RSPO3: variants seen among roughly 807,000 people sequenced by gnomAD.
RSPO3 encodes the protein R-spondin-3.
In RSPO3, 17 loss-of-function variants were observed where a neutral mutation model predicts 36.5. That is an observed-to-expected ratio of 0.47 (90% CI 0.32 to 0.70). RSPO3 has a LOEUF of 0.70. RSPO3 is among the 30% of genes least tolerant of loss of function. The pLI, the probability that RSPO3 is intolerant of heterozygous loss-of-function variation, is 0.04. For synonymous variants in RSPO3, 108 were observed against 107.0 expected (o/e 1.01, Z -0.06); for missense variants, 294 against 322.5 (o/e 0.91, Z 0.68).
In RSPO3 at chr6:127,118,995, A is replaced by G. The variant is rs902276898; in HGVS notation, c.-198A>G. The G allele has an allele frequency of 7.0e-6, 3 of 428,888 alleles. No individual in the cohort carries two copies. Among genetic ancestry groups the G allele is most frequent in the African/African-American group, 4.1e-5 (2 of 49,014 alleles). 26.6% of individuals were successfully genotyped at this position (428,888 alleles called of 1,614,324 possible). ...CAGTTCAGTGCTTGGATAATTTGAA[A>G]GTACAATAGTTGGTTTCCCTGTCCA... On this transcript the variant is annotated 5_prime_UTR_variant, in exon 1 of 5. Coordinates refer to ENST00000356698, the MANE Select transcript of RSPO3 (RefSeq NM_032784.5).
intron 1 of RSPO3, among the ~76,000 whole-genome samples, chr6:127,147,023 C>G (rs1326096208): frequency 6.6e-6 from 1 of 152,110 alleles, no homozygotes; most frequent in African/African-American, 2.4e-5. Context: ...ACCTCCTGTG[C>G]CACTTTATGT....
In RSPO3 at chr6:127,198,267, G is replaced by A. The variant is rs1472592794; in HGVS notation, c.*2260G>A. Among the ~76,000 whole-genome samples the A allele has an allele frequency of 1.3e-5, 2 of 151,956 alleles. No homozygotes were observed. Among genetic ancestry groups the A allele is most frequent in the East Asian group, 1.9e-4 (1 of 5,190 alleles). ...TATATAAAAGTAGAATTATTACAAA[G>A]GAAAAAGAAATAAAAACTAACATTC... On this transcript the variant is annotated 3_prime_UTR_variant, in exon 5 of 5. Coordinates refer to ENST00000356698, the MANE Select transcript of RSPO3 (RefSeq NM_032784.5).
chr6:127,162,375 C>A (rs1368154944), intron 4 of RSPO3, among the ~76,000 whole-genome samples: 7 of 152,130 alleles, frequency 4.6e-5, no homozygotes, highest in Admixed American at 4.6e-4. Flanking sequence ...AGTGTGATTC[C>A]TCATTCACTT....
chr6:127,186,613 T>A (rs948376439), intron 4 of RSPO3, among the ~76,000 whole-genome samples: 2 of 152,036 alleles, frequency 1.3e-5, no homozygotes, highest in African/African-American at 2.4e-5. Context: ...TGGGAAAAAA[T>A]TATTTTGAAA....
intron 1 of RSPO3, among the ~76,000 whole-genome samples, chr6:127,127,088 C>A (rs1322375596): frequency 6.6e-6 from 1 of 152,158 alleles, no homozygotes; most frequent in East Asian, 1.9e-4. Context: ...TACCCCAATA[C>A]AAAGCACATT....
rs550607981 is a variant in RSPO3 at position 127,197,842 on chromosome 6, A to G, written c.*1835A>G. 4.8e-6 allele frequency: 1 copy of G among 210,126 alleles called. No homozygotes were observed. Among genetic ancestry groups the G allele is most frequent in the East Asian group, 1.1e-4 (1 of 9,318 alleles). The allele number at this position is 210,126 out of a possible 1,614,324, so 13.0% of individuals were successfully genotyped here. A position where few individuals can be genotyped will look rare whatever the true frequency, so the allele number is the denominator to read the frequency against. ...TCTCAACTCACTAAATCTATTCCCA[A>G]TGTATAAAATAATTCTAATTCCATT... On this transcript the variant is annotated 3_prime_UTR_variant, in exon 5 of 5. Coordinates refer to ENST00000356698, the MANE Select transcript of RSPO3 (RefSeq NM_032784.5).
intron 4 of RSPO3, among the ~76,000 whole-genome samples, chr6:127,172,425 A>C (rs1267148571): frequency 6.6e-6 from 1 of 151,680 alleles, no homozygotes; most frequent in Non-Finnish European, 1.5e-5. Flanking sequence ...TCTGGACACT[A>C]AGGAGTTAGG....
intron 4 of RSPO3, among the ~76,000 whole-genome samples, chr6:127,192,375 C>G (rs1775429358): frequency 6.6e-6 from 1 of 152,142 alleles, no homozygotes; most frequent in African/African-American, 2.4e-5. Context: ...CTACCAGCAT[C>G]TCATTTAATC....
intron 1 of RSPO3, among the ~76,000 whole-genome samples, chr6:127,147,251 G>T (rs1359590037): frequency 6.6e-6 from 1 of 152,094 alleles, no homozygotes; most frequent in African/African-American, 2.4e-5. Flanking sequence ...AGGCTGTTTG[G>T]TCTTATAGGT....
intron 4 of RSPO3, among the ~76,000 whole-genome samples, chr6:127,170,021 G>T (rs1774904340): frequency 6.6e-6 from 1 of 151,716 alleles, no homozygotes; most frequent in Non-Finnish European, 1.5e-5. Flanking sequence ...ATTCTGTAAA[G>T]CAGATTTGAG....
chr6:127,144,418 T>C (rs1473897943), intron 1 of RSPO3, among the ~76,000 whole-genome samples: 1 of 152,158 alleles, frequency 6.6e-6, no homozygotes, highest in Non-Finnish European at 1.5e-5. Context: ...GAGTTCAAGT[T>C]TGAAGTTTCA....
At chr6:127,135,858 T>C (rs1034152517) in intron 1 of RSPO3, among the ~76,000 whole-genome samples, 5 of 151,372 alleles carry the variant, frequency 3.3e-5, no homozygotes, top group Non-Finnish European at 5.9e-5. Context: ...ACCCTGGATT[T>C]TGAGGCTGGA....
chr6:127,157,894 T>C (rs1774626057), intron 4 of RSPO3, among the ~76,000 whole-genome samples: 1 of 151,890 alleles, frequency 6.6e-6, no homozygotes, highest in South Asian at 2.1e-4. Flanking sequence ...AGTATCCTAT[T>C]TGAACACAAA....
At position 127,196,014 on chromosome 6, in the gene RSPO3, C is replaced by A; in HGVS notation, c.*7C>A. The A allele has an allele frequency of 6.3e-7, 1 of 1,595,554 alleles. No homozygotes were observed. The highest frequency in any genetic ancestry group is 1.1e-5 in the South Asian group (1 of 87,152). ...AGTCAGCACTGTACACTAGAGGGTT[C>A]CATGAGATTATTGTAGACTCATGAT... On this transcript the variant is annotated 3_prime_UTR_variant, in exon 5 of 5. Coordinates refer to ENST00000356698, the MANE Select transcript of RSPO3 (RefSeq NM_032784.5).
chr6:127,150,659 A>G, intron 3 of RSPO3, 87 bp downstream of exon 3: 1 of 1,281,848 alleles, frequency 7.8e-7, no homozygotes, highest in South Asian at 1.4e-5. Flanking sequence ...AAAGAACTTG[A>G]AGGTTCTTGG....
At chr6:127,143,594 C>A (rs1774322353) in intron 1 of RSPO3, among the ~76,000 whole-genome samples, 1 of 152,162 alleles carries the variant, frequency 6.6e-6, no homozygotes, top group South Asian at 2.1e-4. Flanking sequence ...TTCTTTTCAA[C>A]TCAGTCAAAC....
chr6:127,191,296 C>A (rs1422056661), intron 4 of RSPO3, among the ~76,000 whole-genome samples: 1 of 152,122 alleles, frequency 6.6e-6, no homozygotes, highest in Non-Finnish European at 1.5e-5. Context: ...ATTGGGTCTT[C>A]TGTTGCTCTG....
chr6:127,197,502 A>G lies in RSPO3; in HGVS notation c.*1495A>G, dbSNP rs1775537709. ...CAGCCCACCCCTTGCAGGAGGAGGT[A>G]TCTCTGAGTGTGCAGCACAGAATCG... On this transcript the variant is annotated 3_prime_UTR_variant, in exon 5 of 5. Transcript: ENST00000356698. 1 of 1,550,566 alleles carries G rather than the reference A, an allele frequency of 6.4e-7. No individual in the cohort carries two copies. The highest frequency in any genetic ancestry group is 8.7e-7 in the Non-Finnish European group (1 of 1,146,976).
intron 1 of RSPO3, among the ~76,000 whole-genome samples, chr6:127,139,306 C>T (rs374174799): frequency 2.0e-5 from 3 of 152,170 alleles, no homozygotes; most frequent in East Asian, 3.9e-4. Flanking sequence ...TTGCTGTTTA[C>T]TTATGCTAAG....
Sources: gnomAD v4.1 joint callset for allele counts (sites outside exome capture counted in the v4.1 genomes callset) on GRCh38, gnomAD v4.1.1 for gene constraint, MANE v1.5 for transcripts, NCBI Gene and HGNC (gene_info 2026-07-23, HGNC 2026-07-21) for gene names.